PRKN: variants seen among roughly 807,000 people sequenced by gnomAD.
PRKN encodes the protein E3 ubiquitin-protein ligase parkin.
PRKN carries 56 observed loss-of-function variants against 59.5 expected under a neutral mutation model. The ratio of observed to expected loss-of-function variants is 0.94; its 90% confidence interval spans 0.76 to 1.18. PRKN has a LOEUF of 1.18. Ranked by LOEUF, PRKN falls within the 50% of genes most tolerant of loss-of-function variation. The probability of loss-of-function intolerance (pLI) is 0.00; values close to 1 mark genes in which losing one functional copy is unlikely to be tolerated. For missense variants in PRKN, 657 were observed against 596.4 expected, an observed-to-expected ratio of 1.10 and a Z score of -1.06; for synonymous variants, 250 against 222.1, an observed-to-expected ratio of 1.13 and a Z score of -1.12.
At chr6:162,505,878 A>G (rs1793587703) in intron 1 of PRKN, among the ~76,000 whole-genome samples, 1 of 152,168 alleles carries the variant, frequency 6.6e-6, no homozygotes, top group African/African-American at 2.4e-5. Flanking sequence ...TGAATATTTC[A>G]CAAGCATACT....
At chr6:162,418,121 C>T (rs1446913773) in intron 2 of PRKN, among the ~76,000 whole-genome samples, 1 of 152,062 alleles carries the variant, frequency 6.6e-6, no homozygotes, top group Non-Finnish European at 1.5e-5. Flanking sequence ...TCCATCAACT[C>T]ATTAGTGGAT....
intron 7 of PRKN, among the ~76,000 whole-genome samples, chr6:161,631,895 C>A (rs1037067459): frequency 6.6e-6 from 1 of 151,996 alleles, no homozygotes; most frequent in Non-Finnish European, 1.5e-5. Flanking sequence ...GCATTCTTAC[C>A]CAATTTATCC....
chr6:161,614,498 C>T (rs1256490973), intron 7 of PRKN, among the ~76,000 whole-genome samples: 2 of 152,088 alleles, frequency 1.3e-5, no homozygotes, highest in Non-Finnish European at 2.9e-5. Context: ...AAATGTATGC[C>T]ATCAGAAGGC....
chr6:161,432,640 C>A (rs1159510999), intron 9 of PRKN, among the ~76,000 whole-genome samples: 1 of 151,520 alleles, frequency 6.6e-6, no homozygotes, highest in African/African-American at 2.4e-5. Flanking sequence ...CCTCGGCCTC[C>A]CAAAGTGCTG....
intron 3 of PRKN, among the ~76,000 whole-genome samples, chr6:162,260,550 G>C (rs1245765368): frequency 6.6e-6 from 1 of 152,162 alleles, no homozygotes. Context: ...GAGAGAGTCA[G>C]TTGAAAGTGT....
Position 162,367,823 on chromosome 6 carries a change from T to C in PRKN, c.171+75487A>G, listed in dbSNP as rs143913702. On this transcript the variant is annotated intron_variant, in intron 2 of 11. Coordinates refer to ENST00000366898, the MANE Select transcript of PRKN (RefSeq NM_004562.3). ...TGAGATTAGATCACCTGGTAAACTG[T>C]AGGAAACAGCTACTGCCCCCAGGAC... Among the ~76,000 whole-genome samples the C allele has an allele frequency of 1.4e-3, 216 of 152,222 alleles. 3 individuals carry two copies. The East Asian group carries it at 0.018, about 12-fold the overall frequency.
chr6:161,678,597 A>C (rs1785180807), intron 7 of PRKN, among the ~76,000 whole-genome samples: 1 of 138,364 alleles, frequency 7.2e-6, no homozygotes, highest in Non-Finnish European at 1.5e-5. Context: ...TTTGAGACAG[A>C]GTCTTGCTCT....
intron 7 of PRKN, among the ~76,000 whole-genome samples, chr6:161,639,914 G>A (rs549569282): frequency 6.6e-6 from 1 of 152,302 alleles, no homozygotes; most frequent in East Asian, 1.9e-4. Context: ...GTGCTACTCA[G>A]AATACCATGA....
At chr6:162,109,604 T>C (rs1209983668) in intron 4 of PRKN, among the ~76,000 whole-genome samples, 2 of 152,140 alleles carry the variant, frequency 1.3e-5, no homozygotes, top group Non-Finnish European at 2.9e-5. Context: ...TTTGTTTATG[T>C]GTTTGCAGTT....
intron 6 of PRKN, among the ~76,000 whole-genome samples, chr6:161,856,618 G>C (rs1793666787): frequency 6.6e-6 from 1 of 152,052 alleles, no homozygotes; most frequent in South Asian, 2.1e-4. Context: ...CTACAAATGT[G>C]TATTCCCTTC....
rs760954644 is a variant in PRKN, at chr6:161,551,376, T to A, written c.934-2373A>T. Reference sequence around the variant, plus strand: ...ATTATTCGTAAAGCTCGACACTAGGTTAGATCTATGACACTCTGACCATGT... The same window carrying A: ...ATTATTCGTAAAGCTCGACACTAGGATAGATCTATGACACTCTGACCATGT... On this transcript the variant is annotated intron_variant, in intron 8 of 11. Coordinates refer to ENST00000366898, the MANE Select transcript of PRKN (RefSeq NM_004562.3). The surrounding 1 kb of genome is among the most constrained non-coding windows in gnomAD (Gnocchi z 5.2). 6.6e-6 allele frequency among the ~76,000 whole-genome samples: 1 copy of A among 152,148 alleles called. No homozygotes were observed. The highest frequency in any genetic ancestry group is 2.4e-5 in the African/African-American group (1 of 41,418).
chr6:161,590,363 C>T (rs1449982815), intron 7 of PRKN, among the ~76,000 whole-genome samples: 3 of 150,860 alleles, frequency 2.0e-5, no homozygotes, highest in South Asian at 2.1e-4. Context: ...TTTGGGAGGC[C>T]GAGGTGGGTG....
At chr6:161,836,986 G>A (rs766680258) in intron 6 of PRKN, among the ~76,000 whole-genome samples, 7 of 152,072 alleles carry the variant, frequency 4.6e-5, no homozygotes, top group Non-Finnish European at 7.4e-5. Context: ...TTTTCGCTCC[G>A]CTCCCACACT....
intron 9 of PRKN, among the ~76,000 whole-genome samples, chr6:161,449,223 T>C (rs780462145): frequency 6.6e-6 from 1 of 152,188 alleles, no homozygotes; most frequent in Non-Finnish European, 1.5e-5. Flanking sequence ...GGTTTCAAAA[T>C]CTGATATTGG....
intron 2 of PRKN, among the ~76,000 whole-genome samples, chr6:162,409,593 T>C (rs192581716): frequency 9.8e-5 from 15 of 152,326 alleles, no homozygotes; most frequent in African/African-American, 3.1e-4. Context: ...AATCATGAGA[T>C]TGAACATATC....
chr6:162,504,047 G>A (rs926737936), intron 1 of PRKN, among the ~76,000 whole-genome samples: 8 of 149,982 alleles, frequency 5.3e-5, no homozygotes, highest in Non-Finnish European at 1.2e-4. Context: ...CAGAACTACT[G>A]GAAAGAGAGA....
At position 162,215,580 on chromosome 6, in the gene PRKN, A is replaced by T. The variant is rs138307079; in HGVS notation, c.413-14328T>A. Among the ~76,000 whole-genome samples the T allele has an allele frequency of 1.7e-3, 262 of 152,338 alleles. 5 individuals are homozygous for T. In the East Asian group the frequency reaches 0.026, roughly 15 times the overall value. On this transcript the variant is annotated intron_variant, in intron 3 of 11. Transcript: ENST00000366898. The stretch of plus-strand genomic sequence containing the variant: ...TTATAAATCTTCATTTAACCACATC[A>T]TGCAGGGAAGGTTACATTACAGCCA...
intron 9 of PRKN, among the ~76,000 whole-genome samples, chr6:161,524,635 G>T (rs969581213): frequency 6.6e-6 from 1 of 152,006 alleles, no homozygotes; most frequent in African/African-American, 2.4e-5. Flanking sequence ...AATTCCAGAG[G>T]GATTATGCTT....
At chr6:162,652,680 C>T (rs1778490857) in intron 1 of PRKN, among the ~76,000 whole-genome samples, 1 of 151,984 alleles carries the variant, frequency 6.6e-6, no homozygotes, top group African/African-American at 2.4e-5. Context: ...TGGCTCATGC[C>T]TATAATCCCA....
Sources: allele counts gnomAD v4.1 joint callset (sites outside exome capture counted in the v4.1 genomes callset), GRCh38; gene constraint gnomAD v4.1.1; non-coding constraint Gnocchi (gnomAD v3.1); transcripts MANE v1.5; gene names NCBI Gene and HGNC (gene_info 2026-07-23, HGNC 2026-07-21).